Variants in CD163L1 observed in about 807,000 individuals in gnomAD.
CD163L1 encodes the protein scavenger receptor cysteine-rich type 1 protein M160.
In CD163L1, 124 loss-of-function variants were observed where a neutral mutation model predicts 165.4. That is an observed-to-expected ratio of 0.75 (90% CI 0.65 to 0.87). The LOEUF (loss-of-function observed/expected upper bound fraction) is 0.87, where lower values mean the gene tolerates loss of function less well. Ranked by LOEUF, CD163L1 falls within the 40% of genes least tolerant of loss-of-function variation. CD163L1 has a pLI of 0.00. For missense variants in CD163L1, 1,525 were observed against 1,799.9 expected (o/e 0.85, Z 2.76); for synonymous variants, 585 against 662.2 (o/e 0.88, Z 1.79).
Position 7,421,464 on chromosome 12 carries a change from CATATATAT to C in CD163L1, c.766+10944_766+10951del, listed in dbSNP as rs371156224. 6.0e-4 allele frequency among the ~76,000 whole-genome samples: 45 copies of C among 75,476 alleles called. 6 individuals carry two copies. The highest frequency in any genetic ancestry group is 2.7e-3 in the African/African-American group (32 of 11,678). The allele number at this position is 75,476 out of a possible 152,430, so 49.5% of individuals were successfully genotyped here. A position where few individuals can be genotyped will look rare whatever the true frequency, so the allele number is the denominator to read the frequency against. ...ACATATACATATATGTACATATATACATATATATACATATATGTACATATATACATATA... is the reference window on the plus strand; with the variant it reads ...ACATATACATATATGTACATATATACACATATATGTACATATATACATATA... On this transcript the variant is annotated intron_variant, in intron 4 of 19. Transcript: ENST00000313599.
At chr12:7,376,039 A>G (rs371271509) in intron 9 of CD163L1, 25 bp from the exon 10 acceptor site, 1 of 1,593,632 alleles carries the variant, frequency 6.3e-7, no homozygotes, top group African/African-American at 1.3e-5. Flanking sequence ...TTCAAAGGTT[A>G]GTTTTTAGGG....
At chr12:7,412,438 A>G (rs1269835493) in intron 4 of CD163L1, among the ~76,000 whole-genome samples, 2 of 152,240 alleles carry the variant, frequency 1.3e-5, no homozygotes, top group African/African-American at 4.8e-5. Context: ...AATTGAAACA[A>G]TCTTCCCATA....
chr12:7,430,006 C>T (rs1341473370), intron 4 of CD163L1, among the ~76,000 whole-genome samples: 1 of 152,154 alleles, frequency 6.6e-6, no homozygotes, highest in Non-Finnish European at 1.5e-5. Context: ...TTTCTCTACC[C>T]TTGGAGGCCA....
At chr12:7,341,010 C>T in the CD163L1 span, among the ~76,000 whole-genome samples, 1 of 152,102 alleles carries the variant, frequency 6.6e-6, no homozygotes, top group Non-Finnish European at 1.5e-5. Flanking sequence ...GACTTTTGTG[C>T]TAATTCTGTA....
At chr12:7,383,476 G>GAT (rs1370633815) in intron 8 of CD163L1, among the ~76,000 whole-genome samples, 1 of 152,148 alleles carries the variant, frequency 6.6e-6, no homozygotes, top group East Asian at 1.9e-4. Flanking sequence ...ACTGCTGGTA[G>GAT]ATAAGCAAGC....
chr12:7,322,270 G>C, the CD163L1 span: 1 of 1,070,456 alleles, frequency 9.3e-7, no homozygotes. Flanking sequence ...TGGCAATATA[G>C]CAGGTGTTCA....
chr12:7,321,764 C>T, the CD163L1 span, among the ~76,000 whole-genome samples: 1 of 152,226 alleles, frequency 6.6e-6, no homozygotes, highest in Non-Finnish European at 1.5e-5. Context: ...AGGCAGGGCC[C>T]TGCTACTTAC....
At chr12:7,366,251 G>A (rs774216580) in intron 18 of CD163L1, among the ~76,000 whole-genome samples, 28 of 152,006 alleles carry the variant, frequency 1.8e-4, no homozygotes, top group African/African-American at 6.7e-4. Flanking sequence ...GGAAAGGGTA[G>A]GGGAAAGGGA....
intron 4 of CD163L1, among the ~76,000 whole-genome samples, chr12:7,425,971 A>G (rs987418582): frequency 1.3e-5 from 2 of 152,206 alleles, no homozygotes; most frequent in Non-Finnish European, 2.9e-5. Context: ...AAATCATTCT[A>G]TTATAAAAAC....
At chr12:7,421,759 A>G (rs1312269075) in intron 4 of CD163L1, among the ~76,000 whole-genome samples, 12 of 130,308 alleles carry the variant, frequency 9.2e-5, no homozygotes, top group Non-Finnish European at 1.9e-4. Flanking sequence ...ATATATATAT[A>G]TATATATATA....
Position 7,379,057 on chromosome 12 carries a change from G to A in CD163L1, c.2292C>T (p.Ala764=). ...CCCATCGTATACAATCCCAGAGAGA[G>A]GCTTCCCCTCCAGTGCAGCCAGAAT... ...MSNSGCTGGE[A]SLWDCIRWEW... The change falls in exon 9 of 20, where the codon GCC becomes GCT. Residue 764 remains alanine, a synonymous_variant. Coordinates refer to ENST00000313599, the MANE Select transcript of CD163L1 (RefSeq NM_174941.6). 5.0e-6 allele frequency: 8 copies of A among 1,614,088 alleles called. No individual in the cohort carries two copies. The highest frequency in any genetic ancestry group is 6.8e-6 in the Non-Finnish European group (8 of 1,180,000).
chr12:7,398,713 T>A lies in CD163L1; in HGVS notation c.1409-129A>T, dbSNP rs1947837097. ...GTGATATATTAGGCACACTTTTGAA[T>A]GAAAAGTTTGGTTTTCTTTCTTTTG... On this transcript the variant is annotated intron_variant, in intron 6 of 19. Transcript: ENST00000313599. The surrounding 1 kb of genome is among the most constrained non-coding windows in gnomAD (Gnocchi z 4.5). 8.4e-6 allele frequency: 6 copies of A among 710,644 alleles called. No homozygotes were observed. Among genetic ancestry groups the A allele is most frequent in the Non-Finnish European group, 1.0e-5 (5 of 487,762 alleles). 44.0% of individuals were successfully genotyped at this position (710,644 alleles called of 1,614,324 possible).
intron 4 of CD163L1, among the ~76,000 whole-genome samples, chr12:7,413,164 A>G (rs968423691): frequency 6.6e-6 from 1 of 151,774 alleles, no homozygotes; most frequent in Non-Finnish European, 1.5e-5. Flanking sequence ...TAGACACATT[A>G]AAGAGGATAA....
chr12:7,395,668 T>A (rs1013437991), intron 8 of CD163L1, among the ~76,000 whole-genome samples: 1 of 152,240 alleles, frequency 6.6e-6, no homozygotes, highest in Admixed American at 6.5e-5. Flanking sequence ...ATTGGATTTA[T>A]CTTACATAAA....
Position 7,349,033 on chromosome 12 carries a change from A to G in CD163L1, c.*25-1886T>C, listed in dbSNP as rs755197472. On this transcript the variant is annotated intron_variant, in intron 4 of 4. Coordinates refer to the CD163L1 transcript ENST00000539726. ...GACGGTGAATCTGGATTTCTGTCCA[A>G]ACCACACTGGTTAGCTAAACTGGGA... 2.6e-5 allele frequency among the ~76,000 whole-genome samples: 4 copies of G among 152,182 alleles called. No individual in the cohort carries two copies. In the South Asian group the frequency reaches 8.3e-4, roughly 32 times the overall value.
chr12:7,391,992 A>T (rs11513314), intron 8 of CD163L1, among the ~76,000 whole-genome samples: 75,172 of 129,910 alleles, frequency 0.58, 23,269 homozygotes, highest in Non-Finnish European at 0.72. Context: ...TTAACACCCC[A>T]CTGTGAATAT....
intron 17 of CD163L1, among the ~76,000 whole-genome samples, chr12:7,367,716 G>A (rs1052864361): frequency 7.9e-5 from 12 of 152,118 alleles, no homozygotes; most frequent in African/African-American, 2.7e-4. Flanking sequence ...TATAAGTGGT[G>A]TTCAAACCCA....
chr12:7,339,811 T>A, the CD163L1 span, among the ~76,000 whole-genome samples: 3 of 152,156 alleles, frequency 2.0e-5, no homozygotes, highest in Non-Finnish European at 1.5e-5. Context: ...ACTCAGTGAC[T>A]TAGATATCAT....
Position 7,402,747 on chromosome 12 carries a change from C to T in CD163L1, c.1408+788G>A, listed in dbSNP as rs779944346. On this transcript the variant is annotated intron_variant, in intron 6 of 19. Coordinates refer to ENST00000313599, the MANE Select transcript of CD163L1 (RefSeq NM_174941.6). ...AATTTCTGGGATCAAGCAATCCTCCCGCCTTAGTCTACTGAGTAGCTAGGA... is the reference window on the plus strand; with the variant it reads ...AATTTCTGGGATCAAGCAATCCTCCTGCCTTAGTCTACTGAGTAGCTAGGA... Among the ~76,000 whole-genome samples the T allele has an allele frequency of 5.3e-5, 8 of 151,950 alleles. No individual in the cohort carries two copies. The East Asian group carries it at 1.2e-3, about 22-fold the overall frequency.
Sources: gnomAD v4.1 joint callset for allele counts (sites outside exome capture counted in the v4.1 genomes callset) on GRCh38, gnomAD v4.1.1 for gene constraint, Gnocchi (gnomAD v3.1) non-coding constraint, MANE v1.5 for transcripts, NCBI Gene and HGNC (gene_info 2026-07-23, HGNC 2026-07-21) for gene names.